Variants in B3GAT2 observed in about 807,000 individuals in gnomAD.
B3GAT2 encodes beta-1,3-glucuronyltransferase 2.
In B3GAT2, 26 loss-of-function variants were observed where a neutral mutation model predicts 27.8. The ratio of observed to expected loss-of-function variants is 0.93; its 90% CI spans 0.68 to 1.30. B3GAT2 has a LOEUF of 1.30. Among genes scored for constraint, B3GAT2 ranks in the 50% most tolerant of loss-of-function variants. The pLI is 0.00. For synonymous variants in B3GAT2, 218 were observed against 195.1 expected, an observed-to-expected ratio of 1.12 and a Z score of -0.98; for missense variants, 458 against 459.0, an observed-to-expected ratio of 1.00 and a Z score of 0.02.
chr6:70,918,803 C>G (rs1049885839), intron 1 of B3GAT2, among the ~76,000 whole-genome samples: 4 of 152,152 alleles, frequency 2.6e-5, no homozygotes, highest in Non-Finnish European at 5.9e-5. Context: ...GGTAACCCGA[C>G]CTTTCTCTCT....
intron 2 of B3GAT2, among the ~76,000 whole-genome samples, chr6:70,867,402 A>G (rs555572091): frequency 6.6e-6 from 1 of 152,184 alleles, no homozygotes; most frequent in South Asian, 2.1e-4. Flanking sequence ...ATTTAGGAAA[A>G]AAAAGTTAAT....
intron 1 of B3GAT2, among the ~76,000 whole-genome samples, chr6:70,947,616 G>A (rs1303037883): frequency 6.6e-6 from 1 of 151,264 alleles, no homozygotes; most frequent in Non-Finnish European, 1.5e-5. Context: ...AAGAGTCCAG[G>A]ACCAGATGGA....
chr6:70,935,687 C>T (rs1765261422), intron 1 of B3GAT2, among the ~76,000 whole-genome samples: 1 of 152,016 alleles, frequency 6.6e-6, no homozygotes, highest in African/African-American at 2.4e-5. Flanking sequence ...AAATACTCTA[C>T]AGACAAGCAA....
chr6:70,875,491 C>T (rs1480038490), intron 2 of B3GAT2, among the ~76,000 whole-genome samples: 1 of 152,206 alleles, frequency 6.6e-6, no homozygotes, highest in African/African-American at 2.4e-5. Flanking sequence ...TTATAATTTT[C>T]ATGGCTCTAA....
intron 1 of B3GAT2, among the ~76,000 whole-genome samples, chr6:70,908,100 G>T (rs1772630308): frequency 6.6e-6 from 1 of 152,106 alleles, no homozygotes. Context: ...TGTTGGTTTG[G>T]TGCAAGGCCA....
rs1404142377 is a variant in B3GAT2 at position 70,956,047 on chromosome 6, C to T, written c.383G>A (p.Arg128His). 1.3e-6 allele frequency: 2 copies of T among 1,573,690 alleles called. No individual in the cohort carries two copies. The highest frequency in any genetic ancestry group is 1.4e-5 in the African/African-American group (1 of 71,554). ...DAAARSELVS[R>H]FLARAGLPST... ...GGGCAGCCCGGCCCGCGCCAGGAAG[C>T]GGCTCACCAGCTCGCTGCGCGCCGC... Residue 128 changes from arginine to histidine, a missense_variant, in exon 1 of 4, where the codon CGC (arginine) becomes CAC (histidine). Coordinates refer to ENST00000230053, the MANE Select transcript of B3GAT2 (RefSeq NM_080742.3).
At chr6:70,949,767 C>A (rs574300105) in intron 1 of B3GAT2, among the ~76,000 whole-genome samples, 1 of 151,456 alleles carries the variant, frequency 6.6e-6, no homozygotes, top group East Asian at 1.9e-4. Context: ...ATGTTTATTG[C>A]GGCACTATTC....
chr6:70,955,897 G>A lies in B3GAT2; in HGVS notation c.533C>T (p.Pro178Leu). Residue 178 changes from proline to leucine, a missense_variant, in exon 1 of 4, where the codon CCC becomes CTC. Coordinates refer to ENST00000230053, the MANE Select transcript of B3GAT2 (RefSeq NM_080742.3). Reference sequence around the variant, plus strand: ...GTCGTCAGCGAAGAAGAGCACGCCGGGCTGCGCGCGCTGGTGCTGGTGCCT... The same window carrying A: ...GTCGTCAGCGAAGAAGAGCACGCCGAGCTGCGCGCGCTGGTGCTGGTGCCT... ...RQRHQHQRAQ[P>L]GVLFFADDDN... 1 of 1,604,406 alleles carries A rather than the reference G, an allele frequency of 6.2e-7. No homozygotes were observed. Among genetic ancestry groups the A allele is most frequent in the Non-Finnish European group, 8.5e-7 (1 of 1,176,472 alleles).
chr6:70,873,321 T>C (rs1356325237), intron 2 of B3GAT2, among the ~76,000 whole-genome samples: 1 of 152,212 alleles, frequency 6.6e-6, no homozygotes, highest in Non-Finnish European at 1.5e-5. Flanking sequence ...ATAGTTTTGC[T>C]GGATACAGAA....
Position 70,856,789 on chromosome 6 carries a change from G to A in B3GAT2, c.*4874C>T. 1 of 1,424,494 alleles carries A rather than the reference G, an allele frequency of 7.0e-7. No homozygotes were observed. Among genetic ancestry groups the A allele is most frequent in the Non-Finnish European group, 9.4e-7 (1 of 1,064,210 alleles). 88.2% of individuals were successfully genotyped at this position (1,424,494 alleles called of 1,614,324 possible). A position where few individuals can be genotyped will look rare whatever the true frequency, so the allele number is the denominator to read the frequency against. On this transcript the variant is annotated 3_prime_UTR_variant, in exon 4 of 4. Transcript: ENST00000230053. ...CTATCTAATTTTATAACTTTATTTG[G>A]ATTTTAAGTAATGGATAAGCTGCGC...
In B3GAT2 at chr6:70,894,249, G is replaced by A. The variant is rs759031870; in HGVS notation, c.615C>T (p.Ser205=). ...CACCAACCAGGCCCACAGGCCAGAC[G>A]GAGACCTTGCGGGTGGTTCGCATCT... is the stretch of plus-strand genomic sequence containing the variant. ...FQEMRTTRKV[S]VWPVGLVGGR... Residue 205 remains serine (S), a synonymous_variant, in exon 2 of 4, where the codon TCC becomes TCT. Transcript: ENST00000230053. 4.4e-6 allele frequency: 7 copies of A among 1,605,504 alleles called. No homozygotes were observed. Among genetic ancestry groups the A allele is most frequent in the Middle Eastern group, 1.7e-4 (1 of 6,018 alleles).
At chr6:70,897,436 C>T (rs1373041309) in intron 1 of B3GAT2, among the ~76,000 whole-genome samples, 1 of 151,550 alleles carries the variant, frequency 6.6e-6, no homozygotes. Flanking sequence ...TTTTGATGTT[C>T]TACTTAAAAT....
intron 1 of B3GAT2, among the ~76,000 whole-genome samples, chr6:70,926,476 C>T (rs892579672): frequency 2.0e-5 from 3 of 152,118 alleles, no homozygotes; most frequent in African/African-American, 7.2e-5. Context: ...TAGAGAAGAT[C>T]TTAAATGACC....
At chr6:70,881,169 G>C (rs1772093521) in intron 2 of B3GAT2, among the ~76,000 whole-genome samples, 1 of 152,144 alleles carries the variant, frequency 6.6e-6, no homozygotes, top group Non-Finnish European at 1.5e-5. Context: ...CAGTATCACT[G>C]ACACTTAGAG....
chr6:70,920,682 C>G (rs1167954656), intron 1 of B3GAT2, among the ~76,000 whole-genome samples: 2 of 152,178 alleles, frequency 1.3e-5, no homozygotes, highest in Non-Finnish European at 2.9e-5. Flanking sequence ...ATCATGATGT[C>G]AGCTGGATAT....
At position 70,956,106 on chromosome 6, in the gene B3GAT2, C is replaced by T; in HGVS notation, c.324G>A (p.Val108=). 1.2e-6 allele frequency: 2 copies of T among 1,601,334 alleles called. No individual in the cohort carries two copies. The highest frequency in any genetic ancestry group is 8.5e-7 in the Non-Finnish European group (1 of 1,175,230). The change falls in exon 1 of 4, where the codon GTG becomes GTA. Residue 108 remains valine (V), a synonymous_variant. Transcript: ENST00000230053. ...CCACCAGGATCCAGTGCAGCTGCGC[C>T]ACCTGGCGGAACGTGTTGGCCAGGC... ...LTRLANTFRQ[V]AQLHWILVED...
chr6:70,956,967 G>T lies in B3GAT2; in HGVS notation c.-538C>A. On this transcript the variant is annotated 5_prime_UTR_variant, in exon 1 of 4. Coordinates refer to ENST00000230053, the MANE Select transcript of B3GAT2 (RefSeq NM_080742.3). ...TGGCGAGGAGCGGGTGGAGACGCTG[G>T]GGGTTGTGTCCCGGCTGTGTTCGCG... The T allele has an allele frequency of 9.9e-7, 1 of 1,007,702 alleles. No individual in the cohort carries two copies. The highest frequency in any genetic ancestry group is 1.2e-6 in the Non-Finnish European group (1 of 845,176). The allele number at this position is 1,007,702 out of a possible 1,614,324, so 62.4% of individuals were successfully genotyped here.
At chr6:70,890,676 C>T (rs544692546) in intron 2 of B3GAT2, among the ~76,000 whole-genome samples, 6 of 152,302 alleles carry the variant, frequency 3.9e-5, no homozygotes, top group South Asian at 2.1e-4. Flanking sequence ...CTCTCCAGCG[C>T]GTGGGGGGCA....
intron 1 of B3GAT2, among the ~76,000 whole-genome samples, chr6:70,955,239 G>A (rs1210048597): frequency 6.6e-6 from 1 of 151,674 alleles, no homozygotes; most frequent in African/African-American, 2.4e-5. Flanking sequence ...GGAAAGAGAG[G>A]AAGGACCTCC....
Sources: allele counts gnomAD v4.1 joint callset (sites outside exome capture counted in the v4.1 genomes callset), GRCh38; gene constraint gnomAD v4.1.1; transcripts MANE v1.5; gene names NCBI Gene and HGNC (gene_info 2026-07-23, HGNC 2026-07-21).